HEMK2: variants seen among roughly 807,000 people sequenced by gnomAD.
The protein encoded by HEMK2 is HemK methyltransferase 2, ETF1 glutamine and histone H4 lysine.
the HEMK2 span, among the ~76,000 whole-genome samples, chr21:28,603,550 T>G: frequency 1.7e-4 from 2 of 12,040 alleles, no homozygotes; most frequent in African/African-American, 1.5e-3. Context: ...AGGATATATA[T>G]GTGTGTGTGT....
At chr21:28,764,146 T>A in the HEMK2 span, among the ~76,000 whole-genome samples, 1 of 152,080 alleles carries the variant, frequency 6.6e-6, no homozygotes, top group Non-Finnish European at 1.5e-5. Context: ...ACATAAACTA[T>A]TTACACTCAA....
the HEMK2 span, among the ~76,000 whole-genome samples, chr21:28,833,622 G>A: frequency 6.6e-6 from 1 of 152,084 alleles, no homozygotes; most frequent in Non-Finnish European, 1.5e-5. Flanking sequence ...TTCTAACTTT[G>A]TGAGGTTTTT....
At chr21:28,823,958 T>C in the HEMK2 span, among the ~76,000 whole-genome samples, 2 of 152,208 alleles carry the variant, frequency 1.3e-5, no homozygotes, top group African/African-American at 4.8e-5. Context: ...TTAAGCAGAT[T>C]CCTGAATCCC....
chr21:28,730,751 C>G, the HEMK2 span, among the ~76,000 whole-genome samples: 13 of 152,132 alleles, frequency 8.5e-5, no homozygotes, highest in Non-Finnish European at 1.8e-4. Flanking sequence ...GGACTGCAAG[C>G]CAGAAGTCAC....
At chr21:28,836,495 TTGAAAAAAAA>T in the HEMK2 span, among the ~76,000 whole-genome samples, 12 of 151,784 alleles carry the variant, frequency 7.9e-5, no homozygotes, top group Non-Finnish European at 1.3e-4. Flanking sequence ...GCTCTAAATC[TTGAAAAAAAA>T]TCCTGGAGGA....
the HEMK2 span, among the ~76,000 whole-genome samples, chr21:28,884,580 C>T: frequency 6.6e-6 from 1 of 152,148 alleles, no homozygotes; most frequent in African/African-American, 2.4e-5. Flanking sequence ...AAATAAAGTG[C>T]TAGGGTAGAC....
At chr21:28,860,320 TG>T in the HEMK2 span, among the ~76,000 whole-genome samples, 1,771 of 152,172 alleles carry the variant, frequency 0.012, 17 homozygotes, top group Middle Eastern at 0.048. Flanking sequence ...CTTCCTGTCC[TG>T]GAACACTGGA....
the HEMK2 span, among the ~76,000 whole-genome samples, chr21:28,839,602 G>T: frequency 6.6e-6 from 1 of 151,802 alleles, no homozygotes. Flanking sequence ...ATCAAATCAA[G>T]AACACAACCC....
the HEMK2 span, among the ~76,000 whole-genome samples, chr21:28,845,785 C>CT: frequency 4.6e-5 from 7 of 151,788 alleles, no homozygotes; most frequent in Non-Finnish European, 1.0e-4. Flanking sequence ...ACCAAATTCT[C>CT]TTTTTTTTCT....
the HEMK2 span, among the ~76,000 whole-genome samples, chr21:28,742,417 A>G: frequency 6.6e-6 from 1 of 152,190 alleles, no homozygotes; most frequent in Non-Finnish European, 1.5e-5. Context: ...ACTTATCTCT[A>G]GGGACATAAA....
chr21:28,805,575 A>G, the HEMK2 span, among the ~76,000 whole-genome samples: 1 of 152,226 alleles, frequency 6.6e-6, no homozygotes, highest in Admixed American at 6.5e-5. Context: ...TAGCTTCTCA[A>G]ACAAAGCAGT....
chr21:28,830,078 A>G, the HEMK2 span, among the ~76,000 whole-genome samples: 1 of 152,162 alleles, frequency 6.6e-6, no homozygotes, highest in Non-Finnish European at 1.5e-5. Context: ...CCAGGCTGAG[A>G]GTATATCTTA....
chr21:28,882,307 T>C, the HEMK2 span: 1 of 1,297,586 alleles, frequency 7.7e-7, no homozygotes, highest in South Asian at 1.2e-5. Context: ...AATCTGTTAC[T>C]GAGTAATATC....
chr21:28,708,317 T>C, the HEMK2 span, among the ~76,000 whole-genome samples: 5 of 152,350 alleles, frequency 3.3e-5, no homozygotes, highest in East Asian at 9.6e-4. Flanking sequence ...TTTCTCCTAC[T>C]ATTAATCCTT....
chr21:28,582,952 T>G, the HEMK2 span, among the ~76,000 whole-genome samples: 1 of 152,156 alleles, frequency 6.6e-6, no homozygotes, highest in African/African-American at 2.4e-5. Context: ...TTTTACAGAA[T>G]GGGTGTCATT....
At chr21:28,626,073 A>G in the HEMK2 span, among the ~76,000 whole-genome samples, 1 of 152,228 alleles carries the variant, frequency 6.6e-6, no homozygotes, top group African/African-American at 2.4e-5. Flanking sequence ...ACAGTAAATA[A>G]CAAATACATT....
the HEMK2 span, among the ~76,000 whole-genome samples, chr21:28,841,083 T>TA: frequency 6.3e-4 from 23 of 36,760 alleles, 3 homozygotes; most frequent in Non-Finnish European, 9.0e-4. Context: ...ATATATTATA[T>TA]ATTATATATA....
chr21:28,653,959 G>A, the HEMK2 span, among the ~76,000 whole-genome samples: 3 of 152,110 alleles, frequency 2.0e-5, no homozygotes, highest in Non-Finnish European at 4.4e-5. Flanking sequence ...AAAGACTAAT[G>A]AAATAAAACA....
the HEMK2 span, among the ~76,000 whole-genome samples, chr21:28,831,478 A>G: frequency 2.5e-4 from 12 of 47,380 alleles, no homozygotes; most frequent in African/African-American, 1.4e-3. Context: ...AAAGAAAGAA[A>G]GAAAGAAAGA....
Sources: gnomAD v4.1 joint callset for allele counts (sites outside exome capture counted in the v4.1 genomes callset) on GRCh38, gnomAD v4.1.1 for gene constraint, MANE v1.5 for transcripts, NCBI Gene and HGNC (gene_info 2026-07-23, HGNC 2026-07-21) for gene names.